TMEM116: variants seen among roughly 807,000 people sequenced by gnomAD.
TMEM116 encodes the protein transmembrane protein 116.
TMEM116 carries 38 observed loss-of-function variants against 44.3 expected under a neutral mutation model. That is an observed-to-expected ratio of 0.86 (90% confidence interval 0.66 to 1.12). The LOEUF is 1.12. Among genes scored for constraint, TMEM116 ranks in the 50% most tolerant of loss-of-function variants. The probability of loss-of-function intolerance (pLI) is 0.00; values close to 1 mark genes in which losing one functional copy is unlikely to be tolerated. For synonymous variants in TMEM116, 132 were observed against 144.8 expected (o/e 0.91, Z 0.64); for missense variants, 354 against 401.7 (o/e 0.88, Z 1.01).
chr12:112,004,463 T>G (rs761554055), intron 2 of TMEM116, among the ~76,000 whole-genome samples: 12 of 151,902 alleles, frequency 7.9e-5, no homozygotes, highest in Non-Finnish European at 1.3e-4. Context: ...GTTTTAAAAT[T>G]TTTTGTAGAG....
In TMEM116 at chr12:111,993,285, T is replaced by C. The variant is rs149684132; in HGVS notation, c.79-1396A>G. ...CTGTATGCAGGTGGACCCCCAAAAG[T>C]AGAAGGGCATATTTAATGGATTCTC... On this transcript the variant is annotated intron_variant, in intron 3 of 10. Coordinates refer to ENST00000552374, the MANE Select transcript of TMEM116 (RefSeq NM_001193531.2). The C allele has an allele frequency of 2.2e-3, 1,034 of 463,928 alleles. 5 individuals carry two copies. The highest frequency in any genetic ancestry group is 0.018 in the African/African-American group (899 of 49,786). The allele number at this position is 463,928 out of a possible 1,614,324, so 28.7% of individuals were successfully genotyped here.
At chr12:111,991,524 G>GAA (rs397956051) in intron 4 of TMEM116, among the ~76,000 whole-genome samples, 142 of 83,330 alleles carry the variant, frequency 1.7e-3, no homozygotes, top group African/African-American at 5.6e-3. Flanking sequence ...CTCTGTCTCA[G>GAA]AAAAAAAAAA....
chr12:112,005,703 C>G, intron 1 of TMEM116: 3 of 984,820 alleles, frequency 3.0e-6, no homozygotes, highest in Non-Finnish European at 3.6e-6. Flanking sequence ...AAAGGAAGAA[C>G]AAAATGTAGA....
chr12:111,963,150 G>A (rs1033781680), intron 4 of TMEM116, among the ~76,000 whole-genome samples: 1 of 152,186 alleles, frequency 6.6e-6, no homozygotes, highest in Non-Finnish European at 1.5e-5. Flanking sequence ...TCATTAAAAA[G>A]TCAGGAAACA....
intron 3 of TMEM116, chr12:111,993,116 C>A: frequency 4.5e-6 from 1 of 221,014 alleles, no homozygotes; most frequent in South Asian, 6.8e-5. Context: ...CCCCCCACTG[C>A]TCTCTTAACC....
At chr12:111,998,602 T>C (rs1230426282) in intron 3 of TMEM116, among the ~76,000 whole-genome samples, 1 of 152,150 alleles carries the variant, frequency 6.6e-6, no homozygotes, top group Non-Finnish European at 1.5e-5. Context: ...GCAGATCACC[T>C]GAGGTCAGGA....
chr12:111,969,913 G>A (rs2075234082), intron 4 of TMEM116, among the ~76,000 whole-genome samples: 1 of 152,022 alleles, frequency 6.6e-6, no homozygotes, highest in African/African-American at 2.4e-5. Flanking sequence ...ATGAGATTAA[G>A]GACAGATAAG....
intron 1 of TMEM116, among the ~76,000 whole-genome samples, chr12:112,006,529 A>AATG (rs2077594355): frequency 6.6e-6 from 1 of 152,278 alleles, no homozygotes; most frequent in Admixed American, 6.5e-5. Context: ...TTTGTCATAA[A>AATG]TTACATTATT....
At chr12:111,958,463 C>T (rs1472771576) in intron 4 of TMEM116, among the ~76,000 whole-genome samples, 1 of 151,912 alleles carries the variant, frequency 6.6e-6, no homozygotes, top group African/African-American at 2.4e-5. Flanking sequence ...CAACTCCTTG[C>T]CAGCAAGGGA....
At chr12:111,982,589 C>T (rs903717913) in intron 4 of TMEM116, among the ~76,000 whole-genome samples, 3 of 152,100 alleles carry the variant, frequency 2.0e-5, no homozygotes, top group Admixed American at 6.6e-5. Context: ...GTATGAGCCA[C>T]CGTGCCTGGC....
intron 3 of TMEM116, among the ~76,000 whole-genome samples, chr12:111,992,795 T>C (rs2136635172): frequency 6.6e-6 from 1 of 152,322 alleles, no homozygotes; most frequent in Non-Finnish European, 1.5e-5. Flanking sequence ...CTAAAAATAG[T>C]TTTGGTCCTA....
intron 4 of TMEM116, among the ~76,000 whole-genome samples, chr12:111,961,583 A>T (rs368568642): frequency 7.4e-4 from 113 of 152,302 alleles, no homozygotes; most frequent in Non-Finnish European, 1.5e-3. Flanking sequence ...CCACATGATT[A>T]ATAGATGCAG....
intron 3 of TMEM116, among the ~76,000 whole-genome samples, chr12:112,003,331 G>A (rs896605389): frequency 2.0e-5 from 3 of 152,200 alleles, no homozygotes; most frequent in Admixed American, 1.3e-4. Flanking sequence ...CACTTTGGGA[G>A]GCCAAGGCAG....
chr12:111,945,202 G>T (rs2073160180), intron 4 of TMEM116, among the ~76,000 whole-genome samples: 1 of 151,386 alleles, frequency 6.6e-6, no homozygotes, highest in African/African-American at 2.4e-5. Context: ...AAATTAGCCA[G>T]GCATGGTGGT....
chr12:111,959,045 A>T (rs970082909), intron 4 of TMEM116, among the ~76,000 whole-genome samples: 7 of 152,166 alleles, frequency 4.6e-5, no homozygotes, highest in Non-Finnish European at 8.8e-5. Flanking sequence ...ACACAAAATC[A>T]TCAGATTCAC....
intron 1 of TMEM116, among the ~76,000 whole-genome samples, chr12:112,006,488 T>C (rs1649661344): frequency 2.0e-5 from 3 of 152,224 alleles, no homozygotes; most frequent in Non-Finnish European, 2.9e-5. Context: ...GTTTTAGTAA[T>C]ACTAGTGAAA....
chr12:111,932,497 GA>G, intron 10 of TMEM116, 88 bp downstream of exon 10: 1 of 1,121,506 alleles, frequency 8.9e-7, no homozygotes, highest in Non-Finnish European at 1.3e-6. Context: ...TACCCGGAGG[GA>G]AAAAATCATC....
chr12:111,956,136 G>A (rs1337486472), intron 4 of TMEM116, among the ~76,000 whole-genome samples: 4 of 152,190 alleles, frequency 2.6e-5, no homozygotes, highest in African/African-American at 7.2e-5. Flanking sequence ...TGGCATAAGC[G>A]TGCTCCAGCT....
intron 4 of TMEM116, among the ~76,000 whole-genome samples, chr12:111,970,777 A>C (rs371155118): frequency 6.6e-6 from 1 of 152,010 alleles, no homozygotes; most frequent in Non-Finnish European, 1.5e-5. Context: ...TTTAGTGGAG[A>C]TGGGGTTTCA....
Sources: gnomAD v4.1 joint callset for allele counts (sites outside exome capture counted in the v4.1 genomes callset) on GRCh38, gnomAD v4.1.1 for gene constraint, MANE v1.5 for transcripts, NCBI Gene and HGNC (gene_info 2026-07-23, HGNC 2026-07-21) for gene names.